SKIC3: variants seen among roughly 807,000 people sequenced by gnomAD.
The protein encoded by SKIC3 is SKI3 subunit of superkiller complex, also known as superkiller complex protein 3.
chr5:95,501,225 T>A, the SKIC3 span, among the ~76,000 whole-genome samples: 1 of 152,160 alleles, frequency 6.6e-6, no homozygotes, highest in Non-Finnish European at 1.5e-5. Context: ...TACTTACTAA[T>A]AAACAAAATC....
At chr5:95,496,018 C>CTT in the SKIC3 span, among the ~76,000 whole-genome samples, 2 of 142,692 alleles carry the variant, frequency 1.4e-5, no homozygotes, top group Admixed American at 1.4e-4. Flanking sequence ...CAATTTCTTT[C>CTT]TTTTTTTTTT....
chr5:95,520,246 C>T, the SKIC3 span, among the ~76,000 whole-genome samples: 2 of 151,594 alleles, frequency 1.3e-5, no homozygotes, highest in African/African-American at 4.8e-5. Context: ...CACTTTTTTC[C>T]TTCACAGTTT....
the SKIC3 span, chr5:95,547,295 C>G: frequency 4.3e-6 from 3 of 695,506 alleles, no homozygotes; most frequent in Non-Finnish European, 7.6e-6. Context: ...AGAATATACA[C>G]AGTTTATTCC....
At chr5:95,529,196 T>C in the SKIC3 span, 2 of 964,046 alleles carry the variant, frequency 2.1e-6, no homozygotes, top group South Asian at 2.7e-5. Context: ...ACTCCTCCCC[T>C]CTTCATCTCT....
the SKIC3 span, among the ~76,000 whole-genome samples, chr5:95,488,383 T>G: frequency 6.6e-6 from 1 of 152,092 alleles, no homozygotes; most frequent in African/African-American, 2.4e-5. Context: ...TGGCACACTA[T>G]AGATAACCCA....
chr5:95,516,411 TA>T, the SKIC3 span: 4 of 1,612,990 alleles, frequency 2.5e-6, no homozygotes, highest in Admixed American at 5.0e-5. Context: ...AACAGCATTC[TA>T]AAAAACATAA....
At chr5:95,489,212 G>A in the SKIC3 span, among the ~76,000 whole-genome samples, 1 of 151,930 alleles carries the variant, frequency 6.6e-6, no homozygotes, top group Non-Finnish European at 1.5e-5. Flanking sequence ...GCGGAGGCAG[G>A]AGTATTACTT....
chr5:95,478,271 A>C, the SKIC3 span: 3 of 1,612,970 alleles, frequency 1.9e-6, no homozygotes, highest in Non-Finnish European at 2.5e-6. Flanking sequence ...TCATGATCAT[A>C]ATTATAACAT....
At chr5:95,499,646 A>C in the SKIC3 span, among the ~76,000 whole-genome samples, 1 of 152,336 alleles carries the variant, frequency 6.6e-6, no homozygotes, top group South Asian at 2.1e-4. Context: ...AAATCTTAGA[A>C]GGTATAAATA....
chr5:95,540,043 G>A, the SKIC3 span, among the ~76,000 whole-genome samples: 2 of 151,976 alleles, frequency 1.3e-5, no homozygotes, highest in African/African-American at 4.8e-5. Flanking sequence ...AAGAAATTGT[G>A]ATATATATAC....
chr5:95,514,636 C>T, the SKIC3 span, among the ~76,000 whole-genome samples: 1 of 152,116 alleles, frequency 6.6e-6, no homozygotes, highest in African/African-American at 2.4e-5. Context: ...CTCTGAGTTT[C>T]TATTTCCACA....
the SKIC3 span, among the ~76,000 whole-genome samples, chr5:95,549,745 T>A: frequency 6.6e-6 from 1 of 151,938 alleles, no homozygotes; most frequent in Non-Finnish European, 1.5e-5. Context: ...TTCCTTTTTT[T>A]TTAATTTTTA....
the SKIC3 span, chr5:95,507,122 T>A: frequency 2.1e-6 from 2 of 962,196 alleles, no homozygotes; most frequent in Non-Finnish European, 3.2e-6. Flanking sequence ...AATTCTTTGG[T>A]GCTAGTTACA....
At chr5:95,498,269 T>G in the SKIC3 span, 15 of 1,262,498 alleles carry the variant, frequency 1.2e-5, no homozygotes, top group African/African-American at 3.0e-5. Flanking sequence ...GGTTTTCAAA[T>G]GTATATTCTT....
the SKIC3 span, among the ~76,000 whole-genome samples, chr5:95,470,111 G>A: frequency 6.6e-6 from 1 of 151,802 alleles, no homozygotes; most frequent in African/African-American, 2.4e-5. Flanking sequence ...CGGAGTAGCT[G>A]GGACTACAGG....
At chr5:95,513,182 A>T in the SKIC3 span, 1 of 196,654 alleles carries the variant, frequency 5.1e-6, no homozygotes, top group Admixed American at 5.3e-5. Context: ...GATGTCATTA[A>T]CATCTAATAC....
At chr5:95,470,884 A>AG in the SKIC3 span, among the ~76,000 whole-genome samples, 1 of 152,180 alleles carries the variant, frequency 6.6e-6, no homozygotes, top group Non-Finnish European at 1.5e-5. Context: ...TTATGTAAAG[A>AG]GAAAAAAATG....
At chr5:95,469,669 G>T in the SKIC3 span, 1 of 1,476,032 alleles carries the variant, frequency 6.8e-7, no homozygotes, top group Non-Finnish European at 9.4e-7. Flanking sequence ...CCCAAAGTTT[G>T]TTAAATTGGT....
the SKIC3 span, chr5:95,528,889 A>T: frequency 1.2e-6 from 1 of 865,030 alleles, no homozygotes; most frequent in Non-Finnish European, 1.9e-6. Context: ...TAGCAATTTA[A>T]AATACAAAAT....
Sources: gnomAD v4.1 joint callset for allele counts (sites outside exome capture counted in the v4.1 genomes callset) on GRCh38, gnomAD v4.1.1 for gene constraint, MANE v1.5 for transcripts, NCBI Gene and HGNC (gene_info 2026-07-23, HGNC 2026-07-21) for gene names.